The following TCTN3 variants were observed in gnomAD, a reference collection of about 807,000 sequenced individuals.
TCTN3 encodes the protein tectonic-3.
A neutral mutation model predicts 71.3 loss-of-function variants in TCTN3; 57 were observed. The ratio of observed to expected loss-of-function variants is 0.80; its 90% CI spans 0.65 to 1.00. The LOEUF is 1.00. Among genes scored for constraint, TCTN3 ranks in the 50% least tolerant of loss-of-function variants. The pLI, the probability that TCTN3 is intolerant of heterozygous loss-of-function variation, is 0.00. For missense variants in TCTN3, 696 were observed against 719.9 expected, an observed-to-expected ratio of 0.97 and a Z score of 0.38; for synonymous variants, 258 against 267.8, an observed-to-expected ratio of 0.96 and a Z score of 0.36.
intron 13 of TCTN3, among the ~76,000 whole-genome samples, chr10:95,671,766 A>AT (rs898320020): frequency 2.6e-4 from 39 of 150,900 alleles, no homozygotes; most frequent in African/African-American, 8.5e-4. Flanking sequence ...AATTTTTTGT[A>AT]TTTTTTTTTA....
intron 8 of TCTN3, 54 bp downstream of exon 8, chr10:95,685,502 C>T: frequency 7.1e-7 from 1 of 1,413,196 alleles, no homozygotes. Flanking sequence ...TGAGGCACCT[C>T]TGGCAGTGTT....
intron 8 of TCTN3, 118 bp downstream of exon 8, chr10:95,685,438 T>A (rs2097947311): frequency 1.4e-6 from 1 of 705,162 alleles, no homozygotes; most frequent in African/African-American, 1.8e-5. Context: ...TTCCCAACAT[T>A]GTTAGAGAAT....
chr10:95,676,875 A>G (rs546488787), intron 13 of TCTN3, among the ~76,000 whole-genome samples: 1 of 152,304 alleles, frequency 6.6e-6, no homozygotes, highest in South Asian at 2.1e-4. Context: ...GATCTCACTT[A>G]ATCTGTACAA....
At chr10:95,680,736 G>T (rs1037918850) in intron 12 of TCTN3, 127 bp from the exon 13 acceptor site, 35 of 997,728 alleles carry the variant, frequency 3.5e-5, no homozygotes, top group Middle Eastern at 3.0e-4. Context: ...CTTAGTGGAA[G>T]AACACAAAAG....
chr10:95,663,430 A>T lies in TCTN3; in HGVS notation c.*637T>A, dbSNP rs1327078787. The T allele has an allele frequency of 2.0e-5, 3 of 152,554 alleles. No individual in the cohort carries two copies. Among genetic ancestry groups the T allele is most frequent in the Non-Finnish European group, 4.4e-5 (3 of 68,326 alleles). 9.5% of individuals were successfully genotyped at this position (152,554 alleles called of 1,614,324 possible). A position where few individuals can be genotyped will look rare whatever the true frequency, so the allele number is the denominator to read the frequency against. ...TACAACAAAGCTCTCAACCAGTTTT[A>T]TTTTTCCTCACAATGAACGGAAGAA... On this transcript the variant is annotated 3_prime_UTR_variant, in exon 14 of 14. Transcript: ENST00000371217.
chr10:95,689,067 G>A (rs564641567), intron 3 of TCTN3, among the ~76,000 whole-genome samples: 2 of 152,090 alleles, frequency 1.3e-5, no homozygotes, highest in Non-Finnish European at 2.9e-5. Context: ...TGTGATAATG[G>A]ATAACATCTT....
At chr10:95,680,336 C>A in intron 13 of TCTN3, 136 bp downstream of exon 13, 1 of 854,350 alleles carries the variant, frequency 1.2e-6, no homozygotes. Context: ...CAAATTATGT[C>A]AGCTCACTTT....
intron 13 of TCTN3, among the ~76,000 whole-genome samples, chr10:95,664,631 G>C (rs537045426): frequency 9.9e-5 from 15 of 152,184 alleles, no homozygotes; most frequent in South Asian, 4.1e-4. Context: ...CTATCAGAAG[G>C]CTCCAGGCTC....
intron 13 of TCTN3, among the ~76,000 whole-genome samples, chr10:95,670,029 A>T (rs1027315443): frequency 3.0e-5 from 4 of 133,996 alleles, no homozygotes; most frequent in Non-Finnish European, 6.1e-5. Flanking sequence ...GCGCCACTGC[A>T]CTCCAGCCTG....
chr10:95,680,574 A>C lies in TCTN3; in HGVS notation c.1488T>G (p.Val496=). ...CCCACAATACCTGGATCTCCAGGGA[A>C]ACTGGTATGAGACAGCAGGAAGTAC... ...INCTSCCLIP[V]SLEIQVLWAY... Residue 496 remains valine (V), a synonymous_variant, in exon 13 of 14, where the codon GTT becomes GTG. Transcript: ENST00000371217. The C allele has an allele frequency of 1.2e-6, 2 of 1,614,156 alleles. No individual in the cohort carries two copies. The highest frequency in any genetic ancestry group is 2.2e-5 in the East Asian group (1 of 44,870).
At chr10:95,667,990 G>A (rs539841363) in intron 13 of TCTN3, among the ~76,000 whole-genome samples, 1 of 152,024 alleles carries the variant, frequency 6.6e-6, no homozygotes, top group East Asian at 1.9e-4. Context: ...ACAACTCTGA[G>A]GAAACACAGA....
chr10:95,683,393 T>C (rs1456716266), intron 10 of TCTN3, 129 bp downstream of exon 10: 2 of 1,539,480 alleles, frequency 1.3e-6, no homozygotes, highest in East Asian at 2.4e-5. Context: ...TAACCATATA[T>C]TAGTATATAA....
At chr10:95,665,847 G>A (rs563452298) in intron 13 of TCTN3, among the ~76,000 whole-genome samples, 1 of 152,130 alleles carries the variant, frequency 6.6e-6, no homozygotes, top group South Asian at 2.1e-4. Flanking sequence ...CAAACACCTG[G>A]CCTCAAGTGA....
intron 13 of TCTN3, among the ~76,000 whole-genome samples, chr10:95,679,654 G>C (rs1161238654): frequency 6.8e-6 from 1 of 148,066 alleles, no homozygotes; most frequent in African/African-American, 2.5e-5. Flanking sequence ...TGCAGTGGCG[G>C]GATCTCGGCT....
In TCTN3 at chr10:95,692,914, A is replaced by C. The variant is rs2097954908; in HGVS notation, c.499+6T>G. ...AAATGAGAACAACCAACATGTTTCT[A>C]CTCACAGTTGTTCACATGGACACAA... On this transcript the variant is annotated splice_donor_region_variant and intron_variant, in intron 3 of 13. Coordinates refer to ENST00000371217, the MANE Select transcript of TCTN3 (RefSeq NM_015631.6). 1 of 1,588,926 alleles carries C rather than the reference A, an allele frequency of 6.3e-7. No homozygotes were observed. The highest frequency in any genetic ancestry group is 1.7e-5 in the Admixed American group (1 of 59,968).
At chr10:95,667,333 A>T (rs1288429967) in intron 13 of TCTN3, among the ~76,000 whole-genome samples, 1 of 152,212 alleles carries the variant, frequency 6.6e-6, no homozygotes, top group East Asian at 1.9e-4. Context: ...CAAAAACTCC[A>T]TGTTCACTGG....
Position 95,667,665 on chromosome 10 carries a change from A to G in TCTN3, c.1591-3365T>C, listed in dbSNP as rs540431381. Among the ~76,000 whole-genome samples, 76 of 152,346 alleles carry G rather than the reference A, an allele frequency of 5.0e-4. 2 individuals carry two copies. The South Asian group carries it at 0.015, about 30-fold the overall frequency. On this transcript the variant is annotated intron_variant, in intron 13 of 13. Coordinates refer to ENST00000371217, the MANE Select transcript of TCTN3 (RefSeq NM_015631.6). ...AAGGACAGAGTGAGGCATGGAATGA[A>G]AAATGGGGAATTATCCCTTCTCTAA...
In TCTN3 at chr10:95,675,161, C is replaced by A. The variant is rs572599647; in HGVS notation, c.1590+5311G>T. Among the ~76,000 whole-genome samples, 3 of 152,312 alleles carry A rather than the reference C, an allele frequency of 2.0e-5. No individual in the cohort carries two copies. The South Asian group carries it at 6.2e-4, about 32-fold the overall frequency. On this transcript the variant is annotated intron_variant, in intron 13 of 13. Coordinates refer to ENST00000371217, the MANE Select transcript of TCTN3 (RefSeq NM_015631.6). ...ATGTTGGAGTTCAGTGGCGCGATCT[C>A]GGCTCACTGCAACCTCCGCCTCTCG...
intron 2 of TCTN3, 112 bp from the exon 3 acceptor site, chr10:95,693,150 T>C: frequency 1.7e-6 from 2 of 1,183,606 alleles, no homozygotes; most frequent in South Asian, 2.9e-5. Flanking sequence ...CTTGGGCACC[T>C]ATAGGACGAC....
Sources: gnomAD v4.1 joint callset for allele counts (sites outside exome capture counted in the v4.1 genomes callset) on GRCh38, gnomAD v4.1.1 for gene constraint, MANE v1.5 for transcripts, NCBI Gene and HGNC (gene_info 2026-07-23, HGNC 2026-07-21) for gene names.